Variants in TRAF3 observed in about 807,000 individuals in gnomAD.
TRAF3 encodes the protein TNF receptor-associated factor 3.
In TRAF3, 13 loss-of-function variants were observed where a neutral mutation model predicts 62.3. The ratio of observed to expected loss-of-function variants is 0.21; its 90% CI spans 0.14 to 0.33. TRAF3 has a LOEUF of 0.33. Ranked by LOEUF, TRAF3 falls within the 10% of genes least tolerant of loss-of-function variation. TRAF3 has a pLI of 1.00. For missense variants in TRAF3, 440 were observed against 741.8 expected (o/e 0.59, Z 4.73); for synonymous variants, 269 against 283.4 (o/e 0.95, Z 0.51).
chr14:102,854,638 C>T (rs2139748732), intron 2 of TRAF3, among the ~76,000 whole-genome samples: 1 of 152,154 alleles, frequency 6.6e-6, no homozygotes, highest in East Asian at 1.9e-4. Context: ...GCTGGGACTA[C>T]AGGTGTGCAC....
rs1245984654 is a variant in TRAF3 at position 102,905,578 on chromosome 14, C to T, written c.1501C>T (p.Gln501Ter). The change falls in exon 12 of 12, where the codon CAG (glutamine) becomes TAG (stop). Residue 501 changes from glutamine to a stop codon, truncating the protein, a stop_gained. Transcript: ENST00000392745. LOFTEE classifies it high-confidence loss of function. ...GAAAGTGACACTCATGCTGATGGAT[C>T]AGGGGTCCTCTCGACGTCATTTGGG... is the stretch of plus-strand genomic sequence containing the variant. ...KQKVTLMLMD[Q>*]GSSRRHLGDA... 6.2e-7 allele frequency: 1 copy of T among 1,614,068 alleles called. No individual in the cohort carries two copies. Among genetic ancestry groups the T allele is most frequent in the Non-Finnish European group, 8.5e-7 (1 of 1,180,048 alleles).
At chr14:102,848,172 A>T (rs1437706971) in intron 2 of TRAF3, among the ~76,000 whole-genome samples, 1 of 152,216 alleles carries the variant, frequency 6.6e-6, no homozygotes, top group African/African-American at 2.4e-5. Context: ...TCTGTGTTTC[A>T]GTCTCTAACT....
chr14:102,808,087 A>G (rs1278912371), intron 1 of TRAF3, among the ~76,000 whole-genome samples: 1 of 152,126 alleles, frequency 6.6e-6, no homozygotes, highest in Non-Finnish European at 1.5e-5. Flanking sequence ...CTGTGCATTT[A>G]TTTGGCGGTT....
At chr14:102,840,825 C>T (rs1760998023) in intron 2 of TRAF3, among the ~76,000 whole-genome samples, 1 of 152,144 alleles carries the variant, frequency 6.6e-6, no homozygotes, top group South Asian at 2.1e-4. Flanking sequence ...AGTTTTCATA[C>T]ATTTGACAGA....
At chr14:102,820,583 TATATATATATATATATATATATATATA>T (rs1899844599) in intron 1 of TRAF3, among the ~76,000 whole-genome samples, 1 of 6,096 alleles carries the variant, frequency 1.6e-4, no homozygotes, top group Non-Finnish European at 2.8e-4. Context: ...CATATATATA[TATATATATATATATATATATATATATA>T]TATATTTTTT....
chr14:102,781,831 C>T (rs1338218720), intron 1 of TRAF3, among the ~76,000 whole-genome samples: 3 of 144,984 alleles, frequency 2.1e-5, no homozygotes, highest in Non-Finnish European at 3.0e-5. Flanking sequence ...CTCACTCTGT[C>T]ACCCAGACTG....
chr14:102,818,675 C>T (rs1211348674), intron 1 of TRAF3, among the ~76,000 whole-genome samples: 2 of 152,228 alleles, frequency 1.3e-5, no homozygotes, highest in Admixed American at 6.5e-5. Flanking sequence ...TCTTCACCTT[C>T]TACTTTCTTA....
chr14:102,816,651 G>A (rs1224072239), intron 1 of TRAF3, among the ~76,000 whole-genome samples: 1 of 152,274 alleles, frequency 6.6e-6, no homozygotes, highest in South Asian at 2.1e-4. Flanking sequence ...TTTTTTAATA[G>A]CATGACATTC....
intron 2 of TRAF3, among the ~76,000 whole-genome samples, chr14:102,831,678 C>T (rs1900697064): frequency 1.3e-5 from 2 of 152,262 alleles, no homozygotes; most frequent in Middle Eastern, 6.8e-3. Context: ...TCCCGTTGCC[C>T]AGAATACAAG....
intron 1 of TRAF3, among the ~76,000 whole-genome samples, chr14:102,820,600 ATATATATATATATATTTTTTTTTTTTTTT>A (rs1307978294): frequency 3.0e-4 from 4 of 13,284 alleles, no homozygotes; most frequent in African/African-American, 2.9e-3. Context: ...ATATATATAT[ATATATATATATATATTTTTTTTTTTTTTT>A]TTTTTTTTTT....
Position 102,876,475 on chromosome 14 carries a change from G to C in TRAF3, c.520G>C (p.Glu174Gln). Reference protein sequence around the residue: ...DHVEKACKYREATCSHCKSQV... With the variant: ...DHVEKACKYRQATCSHCKSQV... ...CGTGGAGAAGGCGTGTAAATACCGG[G>C]AAGCCACATGCAGCCACTGCAAGAG... The change falls in exon 6 of 12, where the codon GAA (glutamate) becomes CAA (glutamine). Residue 174 changes from glutamate to glutamine, a missense_variant. This residue lies in a region of TRAF3 where 255 missense variants were observed against 424.1 expected (regional missense o/e 0.60). Coordinates refer to ENST00000392745, the MANE Select transcript of TRAF3 (RefSeq NM_145725.3). The C allele has an allele frequency of 1.9e-6, 3 of 1,614,204 alleles. No homozygotes were observed. The highest frequency in any genetic ancestry group is 2.5e-6 in the Non-Finnish European group (3 of 1,180,034).
intron 10 of TRAF3, 91 bp downstream of exon 10, chr14:102,897,492 G>T: frequency 6.6e-7 from 1 of 1,521,526 alleles, no homozygotes; most frequent in Non-Finnish European, 9.0e-7. Flanking sequence ...TTTGAGCTGA[G>T]TCCTTGACCT....
chr14:102,814,475 A>C (rs10083350), intron 1 of TRAF3, among the ~76,000 whole-genome samples: 9,119 of 152,184 alleles, frequency 0.06, 905 homozygotes, highest in African/African-American at 0.21. Flanking sequence ...TCTGTGAACA[A>C]TGTCATTGGT....
At chr14:102,895,023 A>G (rs1595404850) in intron 9 of TRAF3, 1 of 454,576 alleles carries the variant, frequency 2.2e-6, no homozygotes, top group Non-Finnish European at 4.4e-6. Context: ...TTTTGGAGAC[A>G]TTACTGAGAT....
At chr14:102,885,613 C>A (rs1021370653) in intron 6 of TRAF3, among the ~76,000 whole-genome samples, 2 of 152,222 alleles carry the variant, frequency 1.3e-5, no homozygotes, top group Admixed American at 1.3e-4. Flanking sequence ...AACCCAAAAC[C>A]TATCCCAATT....
intron 1 of TRAF3, among the ~76,000 whole-genome samples, chr14:102,782,499 C>T (rs978807386): frequency 2.0e-5 from 3 of 152,150 alleles, no homozygotes; most frequent in Non-Finnish European, 1.5e-5. Flanking sequence ...TCCCAAAGTG[C>T]TGGGATTACA....
At chr14:102,837,744 G>A (rs2139662992) in intron 2 of TRAF3, among the ~76,000 whole-genome samples, 1 of 152,302 alleles carries the variant, frequency 6.6e-6, no homozygotes, top group South Asian at 2.1e-4. Context: ...TCTTGCTAAG[G>A]AATTAGATAA....
intron 2 of TRAF3, among the ~76,000 whole-genome samples, chr14:102,843,376 G>A (rs1275731157): frequency 6.6e-6 from 1 of 151,986 alleles, no homozygotes; most frequent in Non-Finnish European, 1.5e-5. Flanking sequence ...TCACTCTAGT[G>A]TCCAGGCTGG....
chr14:102,815,356 T>G (rs1187933399), intron 1 of TRAF3, among the ~76,000 whole-genome samples: 1 of 152,126 alleles, frequency 6.6e-6, no homozygotes, highest in Non-Finnish European at 1.5e-5. Flanking sequence ...ATGTGTTGGT[T>G]TTTTATTTTT....
Sources: allele counts gnomAD v4.1 joint callset (sites outside exome capture counted in the v4.1 genomes callset), GRCh38; gene constraint gnomAD v4.1.1; regional missense constraint gnomAD v4.1.1; transcripts MANE v1.5; gene names NCBI Gene and HGNC (gene_info 2026-07-23, HGNC 2026-07-21).